Variants in RTEL1 observed in about 807,000 individuals in gnomAD.
The protein encoded by RTEL1 is regulator of telomere length.
In RTEL1, 86 loss-of-function variants were observed where a neutral mutation model predicts 162.2. The observed-to-expected ratio is 0.53, with a 90% CI of 0.45 to 0.63. The LOEUF is 0.63. RTEL1 is among the 30% of genes least tolerant of loss of function. The probability of loss-of-function intolerance (pLI) is 0.00; values close to 1 mark genes in which losing one functional copy is unlikely to be tolerated. For missense variants in RTEL1, 1,941 were observed against 1,750.2 expected, an observed-to-expected ratio of 1.11 and a Z score of -1.95; for synonymous variants, 958 against 717.9, an observed-to-expected ratio of 1.33 and a Z score of -5.35.
chr20:63,692,231 G>A (rs1443863239), intron 28 of RTEL1: 10 of 225,888 alleles, frequency 4.4e-5, no homozygotes, highest in Admixed American at 2.6e-4. Flanking sequence ...CAAGTGTGGC[G>A]GCCTTTGTCC....
At chr20:63,664,660 C>T (rs781270791) in intron 6 of RTEL1, among the ~76,000 whole-genome samples, 4 of 152,246 alleles carry the variant, frequency 2.6e-5, no homozygotes, top group Non-Finnish European at 5.9e-5. Flanking sequence ...CGTGAACCTT[C>T]GCACCCTGTC....
chr20:63,680,918 G>A (rs2146220849), intron 14 of RTEL1, 199 bp downstream of exon 14: 1 of 985,314 alleles, frequency 1.0e-6, no homozygotes, highest in Non-Finnish European at 1.2e-6. Context: ...GGGGGAGGAC[G>A]AGGTCTGGTG....
chr20:63,674,177 C>T (rs1325596900), intron 10 of RTEL1, 84 bp downstream of exon 10: 3 of 1,522,638 alleles, frequency 2.0e-6, no homozygotes, highest in Non-Finnish European at 1.8e-6. Flanking sequence ...CGGACTCCCC[C>T]AGCCCAGGTG....
chr20:63,675,444 G>A (rs2090330195), intron 10 of RTEL1, among the ~76,000 whole-genome samples: 1 of 152,052 alleles, frequency 6.6e-6, no homozygotes, highest in Non-Finnish European at 1.5e-5. Context: ...GAGTGAGTTT[G>A]CAAAGTTGGC....
rs1483170549 is a variant in RTEL1, at chr20:63,685,885, GC to G, written c.1348+16del. ...GCCAGAAAGCGAGGTACAGACCTGG[GC>G]CCACACGCTCCCCGCCCGCCCGGGT... is the stretch of plus-strand genomic sequence containing the variant. On this transcript the variant is annotated intron_variant, in intron 16 of 34. Transcript: ENST00000360203. The G allele has an allele frequency of 1.9e-6, 3 of 1,610,830 alleles. No individual in the cohort carries two copies. Among genetic ancestry groups the G allele is most frequent in the Non-Finnish European group, 1.7e-6 (2 of 1,178,972 alleles).
intron 14 of RTEL1, chr20:63,681,155 T>G (rs1043873934): frequency 6.1e-6 from 6 of 985,274 alleles, no homozygotes; most frequent in Non-Finnish European, 4.8e-6. Context: ...GGGGTGTCCC[T>G]GGGAGCCCAT....
chr20:63,676,960 A>G (rs1238214516), intron 10 of RTEL1, among the ~76,000 whole-genome samples: 1 of 152,232 alleles, frequency 6.6e-6, no homozygotes, highest in Admixed American at 6.5e-5. Flanking sequence ...ATCAAGTGTC[A>G]TCACTGAATG....
Position 63,662,526 on chromosome 20 carries a change from A to G in RTEL1, c.396-20A>G, listed in dbSNP as rs1601086623. On this transcript the variant is annotated intron_variant, in intron 4 of 34. Coordinates refer to ENST00000360203, the MANE Select transcript of RTEL1 (RefSeq NM_001283009.2). ...GTTGGAGACAGCTCCTCCTCGACCC[A>G]CGGTGCTCTCTCCCACCAGGCCTAA... 6.2e-7 allele frequency: 1 copy of G among 1,613,622 alleles called. No individual in the cohort carries two copies. The highest frequency in any genetic ancestry group is 8.5e-7 in the Non-Finnish European group (1 of 1,179,902).
rs2090011777 is a variant in RTEL1, at chr20:63,661,137, CT to C, written c.103-160del. 6.6e-6 allele frequency among the ~76,000 whole-genome samples: 1 copy of C among 152,260 alleles called. No individual in the cohort carries two copies. Among genetic ancestry groups the C allele is most frequent in the Non-Finnish European group, 1.5e-5 (1 of 68,050 alleles). On this transcript the variant is annotated intron_variant, in intron 2 of 34. Coordinates refer to ENST00000360203, the MANE Select transcript of RTEL1 (RefSeq NM_001283009.2). This position sits in a 1 kb window ranked among gnomAD's most constrained non-coding sequence, Gnocchi z 5.1. ...CCTTTAGGGCAAGAGTGGGACTTGC[CT>C]GTGGACTTCTCCGCGGTCCCACAGG...
Position 63,690,327 on chromosome 20 carries a change from A to C in RTEL1, c.2299A>C (p.Ser767Arg). 1 of 1,610,254 alleles carries C rather than the reference A, an allele frequency of 6.2e-7. No individual in the cohort carries two copies. The highest frequency in any genetic ancestry group is 8.5e-7 in the Non-Finnish European group (1 of 1,178,414). Residue 767 changes from serine to arginine, a missense_variant, in exon 26 of 35, where the codon AGT becomes CGT. Coordinates refer to ENST00000360203, the MANE Select transcript of RTEL1 (RefSeq NM_001283009.2). The stretch of plus-strand genomic sequence containing the variant: ...GCCGGCCCCCCGGGCTACAGCACCC[A>C]GTGTGCGTGGAGAAGATGCTGTCAG... Reference protein sequence around the residue: ...PAPAPRATAPSVRGEDAVSEA... With the variant: ...PAPAPRATAPRVRGEDAVSEA...
chr20:63,662,066 G>C, intron 4 of RTEL1, 123 bp downstream of exon 4: 15 of 794,926 alleles, frequency 1.9e-5, no homozygotes, highest in Non-Finnish European at 2.7e-5. Context: ...ACGCTCCCCC[G>C]AAGTGTGCAG....
Position 63,692,963 on chromosome 20 carries a change from C to T in RTEL1, c.2811C>T (p.Pro937=), listed in dbSNP as rs1181105745. ...CCGCCCTGGCCGCCTGTCTCGGCCC[C>T]CTCTTTGCTGAGGACCCCAAGAAGC... ...DFAALAACLG[P]LFAEDPKKHN... The change falls in exon 29 of 35, where the codon CCC becomes CCT. Residue 937 remains proline, a synonymous_variant. Transcript: ENST00000360203. 7 of 1,612,544 alleles carry T rather than the reference C, an allele frequency of 4.3e-6. No individual in the cohort carries two copies. The highest frequency in any genetic ancestry group is 2.7e-5 in the African/African-American group (2 of 74,942).
intron 26 of RTEL1, 21 bp from the exon 27 acceptor site, chr20:63,690,784 C>T (rs902262506): frequency 1.1e-5 from 18 of 1,589,296 alleles, no homozygotes; most frequent in African/African-American, 8.1e-5. Flanking sequence ...GGCTTCACTG[C>T]GCACTCGGGT....
rs755564980 is a variant in RTEL1, at chr20:63,668,172, G to A, written c.699+619G>A. Among the ~76,000 whole-genome samples the A allele has an allele frequency of 1.3e-5, 2 of 151,858 alleles. No individual in the cohort carries two copies. Among genetic ancestry groups the A allele is most frequent in the African/African-American group, 4.8e-5 (2 of 41,320 alleles). On this transcript the variant is annotated intron_variant, in intron 8 of 34. Coordinates refer to ENST00000360203, the MANE Select transcript of RTEL1 (RefSeq NM_001283009.2). This position sits in a 1 kb window ranked among gnomAD's most constrained non-coding sequence, Gnocchi z 4.3. Reference sequence around the variant, plus strand: ...ACTCCCCTCCTCCCAGTGTGTGCCCGGCCCTGCTGCCCTCCTCCCCATGTG... The same window carrying A: ...ACTCCCCTCCTCCCAGTGTGTGCCCAGCCCTGCTGCCCTCCTCCCCATGTG...
At chr20:63,665,881 G>A (rs925282060) in intron 6 of RTEL1, 123 bp from the exon 7 acceptor site, 17 of 806,654 alleles carry the variant, frequency 2.1e-5, no homozygotes, top group Middle Eastern at 5.0e-4. Context: ...GCGCGTTCAC[G>A]GTTGGTGGGG....
chr20:63,687,683 A>G lies in RTEL1; in HGVS notation c.1394A>G (p.His465Arg), dbSNP rs1272804540. ...TGCTTCAGTCCCGGCCACAGCATGC[A>G]CGAGCTGGTCCGCCAGGGCGTCCGC... ...YWCFSPGHSM[H>R]ELVRQGVRSL... Residue 465 changes from histidine to arginine, a missense_variant, in exon 17 of 35, where the codon CAC (histidine) becomes CGC (arginine). Physicochemically the swap from His to Arg is conservative, Grantham distance 29. Transcript: ENST00000360203. 1 of 1,609,244 alleles carries G rather than the reference A, an allele frequency of 6.2e-7. No homozygotes were observed. The highest frequency in any genetic ancestry group is 1.3e-5 in the African/African-American group (1 of 74,980).
At position 63,678,433 on chromosome 20, in the gene RTEL1, C is replaced by T. The variant is rs552055523; in HGVS notation, c.1037+87C>T. 4.1e-5 allele frequency: 51 copies of T among 1,231,722 alleles called. 1 individual carries two copies. In the South Asian group the frequency reaches 4.9e-4, roughly 12 times the overall value. The allele number at this position is 1,231,722 out of a possible 1,614,324, so 76.3% of individuals were successfully genotyped here. ...GGTGCAGTCCTGGGCTGTCACATCACGAGTGAGGCCTGTTTTCAGGCCTGT... is the reference window on the plus strand; with the variant it reads ...GGTGCAGTCCTGGGCTGTCACATCATGAGTGAGGCCTGTTTTCAGGCCTGT... On this transcript the variant is annotated intron_variant, in intron 12 of 34. Coordinates refer to ENST00000360203, the MANE Select transcript of RTEL1 (RefSeq NM_001283009.2).
At chr20:63,659,631 A>G (rs1432714660) in intron 2 of RTEL1, 127 bp downstream of exon 2, 2 of 733,768 alleles carry the variant, frequency 2.7e-6, no homozygotes, top group Non-Finnish European at 2.4e-6. Flanking sequence ...TGTCATAAAA[A>G]GGGCTGGTGT....
chr20:63,695,097 G>A lies in RTEL1; in HGVS notation c.3375G>A (p.Lys1125=), dbSNP rs1464913958. ...GCATGTTTGTGCGTCCACACCACAA[G>A]CAGCGCTTCTCACAGACGTGCACAG... is the stretch of plus-strand genomic sequence containing the variant. ...RFSMFVRPHH[K]QRFSQTCTDL... Residue 1125 remains lysine, a synonymous_variant, in exon 33 of 35, where the codon AAG becomes AAA. Transcript: ENST00000360203. 3.7e-6 allele frequency: 6 copies of A among 1,612,372 alleles called. No homozygotes were observed. The highest frequency in any genetic ancestry group is 5.1e-6 in the Non-Finnish European group (6 of 1,179,872).
Sources: gnomAD v4.1 joint callset for allele counts (sites outside exome capture counted in the v4.1 genomes callset) on GRCh38, gnomAD v4.1.1 for gene constraint, Gnocchi (gnomAD v3.1) non-coding constraint, MANE v1.5 for transcripts, NCBI Gene and HGNC (gene_info 2026-07-23, HGNC 2026-07-21) for gene names.